The following RPP30 variants were observed in gnomAD, a reference collection of about 807,000 sequenced individuals.
RPP30 encodes the protein ribonuclease P protein subunit p30.
RPP30 carries 36 observed loss-of-function variants against 38.6 expected under a neutral mutation model. The observed-to-expected ratio is 0.93, with a 90% CI of 0.71 to 1.23. The LOEUF is 1.23. Among genes scored for constraint, RPP30 ranks in the 50% most tolerant of loss-of-function variants. The probability of loss-of-function intolerance (pLI) is 0.00; values close to 1 mark genes in which losing one functional copy is unlikely to be tolerated. For synonymous variants in RPP30, 126 were observed against 112.7 expected (o/e 1.12, Z -0.75); for missense variants, 321 against 321.7 (o/e 1.00, Z 0.02).
At position 90,901,216 on chromosome 10, in the gene RPP30, G is replaced by A. The variant is rs1190687152; in HGVS notation, c.*537G>A. ...TGCTGAGGCTGGTCTCAAACTCCTA[G>A]GATCAAGCCATCCTCCCGCTTTGGC... On this transcript the variant is annotated 3_prime_UTR_variant, in exon 11 of 11. Coordinates refer to ENST00000371703, the MANE Select transcript of RPP30 (RefSeq NM_006413.5). 2 of 656,412 alleles carry A rather than the reference G, an allele frequency of 3.0e-6. No homozygotes were observed. The highest frequency in any genetic ancestry group is 2.8e-4 in the East Asian group (2 of 7,246). 40.7% of individuals were successfully genotyped at this position (656,412 alleles called of 1,614,324 possible). A position where few individuals can be genotyped will look rare whatever the true frequency, so the allele number is the denominator to read the frequency against.
chr10:90,903,243 C>T, downstream of RPP30: 1 of 1,610,216 alleles, frequency 6.2e-7, no homozygotes, highest in South Asian at 1.1e-5. Context: ...AGAGATCATA[C>T]TCCCAAGAAC....
At chr10:90,890,125 G>T (rs990538653) in intron 6 of RPP30, among the ~76,000 whole-genome samples, 12 of 152,122 alleles carry the variant, frequency 7.9e-5, no homozygotes, top group African/African-American at 2.7e-4. Flanking sequence ...TCTCTCAAGG[G>T]GTTGACAAGG....
intron 5 of RPP30, among the ~76,000 whole-genome samples, chr10:90,882,005 C>T (rs143464238): frequency 6.6e-6 from 1 of 152,230 alleles, no homozygotes; most frequent in African/African-American, 2.4e-5. Flanking sequence ...CATAGAAACT[C>T]CCTCTCCATA....
chr10:90,903,983 AT>A (rs952221307), downstream of RPP30, among the ~76,000 whole-genome samples: 10 of 152,358 alleles, frequency 6.6e-5, no homozygotes, highest in African/African-American at 2.4e-4. Context: ...CAAATTACGC[AT>A]TTAACAAAAT....
chr10:90,888,010 C>G (rs1479290497), intron 6 of RPP30, among the ~76,000 whole-genome samples: 1 of 152,158 alleles, frequency 6.6e-6, no homozygotes, highest in Non-Finnish European at 1.5e-5. Context: ...TTATGGCAGT[C>G]TTGTTGGCCT....
chr10:90,891,025 G>A (rs568480467), intron 6 of RPP30, among the ~76,000 whole-genome samples: 14 of 152,334 alleles, frequency 9.2e-5, no homozygotes, highest in East Asian at 3.9e-4. Flanking sequence ...TATTTTGCTC[G>A]TAACTGTGTA....
intron 5 of RPP30, among the ~76,000 whole-genome samples, chr10:90,881,864 A>T (rs1043086137): frequency 1.3e-5 from 2 of 152,228 alleles, no homozygotes; most frequent in African/African-American, 4.8e-5. Flanking sequence ...ATGAGTCATC[A>T]AGCATACACA....
chr10:90,876,150 T>G (rs1305355781), intron 4 of RPP30, 52 bp downstream of exon 4: 2 of 1,158,716 alleles, frequency 1.7e-6, no homozygotes, highest in African/African-American at 3.1e-5. Flanking sequence ...TTGTATTGAT[T>G]AATGTTGAAC....
At position 90,876,198 on chromosome 10, in the gene RPP30, T is replaced by C. The variant is rs1159390938; in HGVS notation, c.270+100T>C. On this transcript the variant is annotated intron_variant, in intron 4 of 10. Transcript: ENST00000371703. ...TGTCTTCCCCATTTTACATTTTCCC[T>C]CGCCCCCGCCAAACCATGACACCTG... 3.7e-5 allele frequency: 27 copies of C among 735,034 alleles called. No homozygotes were observed. In the East Asian group the frequency reaches 6.7e-4, roughly 18 times the overall value. The allele number at this position is 735,034 out of a possible 1,614,324, so 45.5% of individuals were successfully genotyped here.
At chr10:90,878,262 A>G (rs1229183633) in intron 4 of RPP30, among the ~76,000 whole-genome samples, 13 of 152,130 alleles carry the variant, frequency 8.5e-5, no homozygotes. Context: ...TTACCTGCTC[A>G]AGCACAGCAC....
At chr10:90,888,252 C>T (rs755781221) in intron 6 of RPP30, among the ~76,000 whole-genome samples, 2 of 152,176 alleles carry the variant, frequency 1.3e-5, no homozygotes, top group Non-Finnish European at 2.9e-5. Context: ...AGCCCACATA[C>T]GATACTGTGA....
downstream of RPP30, among the ~76,000 whole-genome samples, chr10:90,906,380 G>A (rs1049057160): frequency 1.7e-4 from 26 of 152,286 alleles, no homozygotes; most frequent in Non-Finnish European, 3.1e-4. Context: ...ATTTTTTAAG[G>A]AACTGAAAAT....
chr10:90,888,268 G>A (rs557012024), intron 6 of RPP30, among the ~76,000 whole-genome samples: 81 of 152,294 alleles, frequency 5.3e-4, no homozygotes, highest in African/African-American at 1.9e-3. Context: ...TGTGACCTTT[G>A]ATGGGAGGAG....
chr10:90,890,674 C>T (rs576822535), intron 6 of RPP30, among the ~76,000 whole-genome samples: 62 of 151,592 alleles, frequency 4.1e-4, no homozygotes, highest in African/African-American at 1.5e-3. Flanking sequence ...TTAAAAATTT[C>T]TGTGGAAAAA....
chr10:90,901,664 C>G lies in RPP30; in HGVS notation c.*985C>G. 1.0e-6 allele frequency: 1 copy of G among 984,830 alleles called. No individual in the cohort carries two copies. The highest frequency in any genetic ancestry group is 1.2e-6 in the Non-Finnish European group (1 of 829,496). The allele number at this position is 984,830 out of a possible 1,614,324, so 61.0% of individuals were successfully genotyped here. A position where few individuals can be genotyped will look rare whatever the true frequency, so the allele number is the denominator to read the frequency against. On this transcript the variant is annotated 3_prime_UTR_variant, in exon 11 of 11. Transcript: ENST00000371703. ...AAATAATTTATTTTTATAATGGGAT[C>G]ATGTTAAGTAGAAGTAGCTTTTTAT... is the stretch of plus-strand genomic sequence containing the variant.
intron 6 of RPP30, among the ~76,000 whole-genome samples, chr10:90,893,240 A>G (rs1014528718): frequency 5.9e-5 from 9 of 152,200 alleles, no homozygotes; most frequent in Non-Finnish European, 8.8e-5. Context: ...GGGGCCTTCA[A>G]GTACAACTGA....
At chr10:90,873,250 TA>T (rs1276428200) in intron 1 of RPP30, among the ~76,000 whole-genome samples, 1 of 152,234 alleles carries the variant, frequency 6.6e-6, no homozygotes, top group Non-Finnish European at 1.5e-5. Flanking sequence ...GAAAAGTTAA[TA>T]ATGATTTCTT....
intron 6 of RPP30, among the ~76,000 whole-genome samples, chr10:90,893,542 C>A (rs1035014145): frequency 6.6e-6 from 1 of 152,184 alleles, no homozygotes; most frequent in Non-Finnish European, 1.5e-5. Flanking sequence ...TAGGAATAAT[C>A]CTCATCACCA....
intron 4 of RPP30, among the ~76,000 whole-genome samples, chr10:90,876,806 A>G (rs1482868891): frequency 6.6e-6 from 1 of 152,202 alleles, no homozygotes; most frequent in Non-Finnish European, 1.5e-5. Flanking sequence ...TTTGAATTAC[A>G]GAGAATGGAT....
Sources: gnomAD v4.1 joint callset for allele counts (sites outside exome capture counted in the v4.1 genomes callset) on GRCh38, gnomAD v4.1.1 for gene constraint, MANE v1.5 for transcripts, NCBI Gene and HGNC (gene_info 2026-07-23, HGNC 2026-07-21) for gene names.